The following RALYL variants were observed in gnomAD, a reference collection of about 807,000 sequenced individuals.
The protein encoded by RALYL is RNA-binding Raly-like protein.
In RALYL, 29 loss-of-function variants were observed where a neutral mutation model predicts 35.1. The ratio of observed to expected loss-of-function variants is 0.83; its 90% confidence interval spans 0.61 to 1.13. RALYL has a LOEUF of 1.13. Among genes scored for constraint, RALYL ranks in the 50% most tolerant of loss-of-function variants. The pLI, the probability that RALYL is intolerant of heterozygous loss-of-function variation, is 0.00. For synonymous variants in RALYL, 120 were observed against 127.6 expected (o/e 0.94, Z 0.40); for missense variants, 359 against 360.4 (o/e 1.00, Z 0.03).
chr8:84,495,026 C>A (rs2055844612), intron 1 of RALYL, among the ~76,000 whole-genome samples: 2 of 152,080 alleles, frequency 1.3e-5, no homozygotes, highest in East Asian at 3.9e-4. Flanking sequence ...ATGATATTGG[C>A]TTGGATTTGT....
intron 1 of RALYL, among the ~76,000 whole-genome samples, chr8:84,255,209 G>A (rs1478349467): frequency 1.3e-5 from 2 of 152,122 alleles, no homozygotes; most frequent in East Asian, 1.9e-4. Flanking sequence ...ATGCTAGAAT[G>A]TGTAGGACAT....
chr8:84,560,479 G>T (rs7812352), intron 2 of RALYL, among the ~76,000 whole-genome samples: 1,542 of 151,988 alleles, frequency 0.01, 21 homozygotes, highest in African/African-American at 0.035. Context: ...TGTAGCCTGG[G>T]ATATAATTAT....
chr8:84,478,817 T>G (rs2053701600), intron 1 of RALYL, among the ~76,000 whole-genome samples: 2 of 151,548 alleles, frequency 1.3e-5, no homozygotes, highest in African/African-American at 2.4e-5. Context: ...CTGGGCGCAG[T>G]GGCTCACGCC....
chr8:84,426,145 T>C (rs533541230), intron 1 of RALYL, among the ~76,000 whole-genome samples: 2 of 152,324 alleles, frequency 1.3e-5, no homozygotes, highest in South Asian at 2.1e-4. Context: ...TATTATGGGA[T>C]ACATATAGAT....
At chr8:84,832,747 T>G (rs966794345) in intron 4 of RALYL, among the ~76,000 whole-genome samples, 3 of 152,174 alleles carry the variant, frequency 2.0e-5, no homozygotes, top group African/African-American at 7.2e-5. Context: ...TATAATGCAT[T>G]AATCCTCTTC....
intron 2 of RALYL, among the ~76,000 whole-genome samples, chr8:84,588,754 C>T (rs1241519550): frequency 6.6e-6 from 1 of 152,220 alleles, no homozygotes; most frequent in Non-Finnish European, 1.5e-5. Flanking sequence ...ACCAGAACCA[C>T]AGCCAGACCT....
chr8:84,309,724 A>G (rs910286476), intron 1 of RALYL, among the ~76,000 whole-genome samples: 1 of 152,224 alleles, frequency 6.6e-6, no homozygotes, highest in African/African-American at 2.4e-5. Context: ...GGTGAATCAA[A>G]AAAATAAAAA....
Position 84,522,406 on chromosome 8 carries a change from C to A in RALYL, c.-23-6893C>A, listed in dbSNP as rs1443449359. 2.0e-5 allele frequency among the ~76,000 whole-genome samples: 3 copies of A among 151,848 alleles called. 1 individual carries two copies. The Middle Eastern group carries it at 0.01, about 516-fold the overall frequency. ...CTGGGACTACAGGCGCCCGCCACTA[C>A]GCCCGGCTAATTTTTTGTATTTTTA... On this transcript the variant is annotated intron_variant, in intron 1 of 8. Coordinates refer to ENST00000521268, the MANE Select transcript of RALYL (RefSeq NM_173848.7).
intron 1 of RALYL, among the ~76,000 whole-genome samples, chr8:84,472,061 A>AT (rs1239240953): frequency 6.6e-6 from 1 of 152,064 alleles, no homozygotes; most frequent in African/African-American, 2.4e-5. Context: ...ATAGTACTTT[A>AT]TTTTTTTATC....
Position 84,873,409 on chromosome 8 carries a change from C to T in RALYL, c.685+12C>T, listed in dbSNP as rs1201140916. 1 of 1,480,362 alleles carries T rather than the reference C, an allele frequency of 6.8e-7. No individual in the cohort carries two copies. The highest frequency in any genetic ancestry group is 9.3e-7 in the Non-Finnish European group (1 of 1,071,554). 91.7% of individuals were successfully genotyped at this position (1,480,362 alleles called of 1,614,324 possible). A position where few individuals can be genotyped will look rare whatever the true frequency, so the allele number is the denominator to read the frequency against. On this transcript the variant is annotated intron_variant, in intron 7 of 8. Coordinates refer to ENST00000521268, the MANE Select transcript of RALYL (RefSeq NM_173848.7). ...GAAGGCGGAGGCAGGTAAGTGATCTCTGATCACAGACAGGTCAGAATTGAA... is the reference window on the plus strand; with the variant it reads ...GAAGGCGGAGGCAGGTAAGTGATCTTTGATCACAGACAGGTCAGAATTGAA...
At chr8:84,778,703 G>A (rs1817416441) in intron 3 of RALYL, among the ~76,000 whole-genome samples, 1 of 152,178 alleles carries the variant, frequency 6.6e-6, no homozygotes, top group Non-Finnish European at 1.5e-5. Flanking sequence ...CCCAGGCTGT[G>A]AATATATCTA....
chr8:84,219,168 C>T (rs895284418), intron 1 of RALYL, among the ~76,000 whole-genome samples: 1 of 151,862 alleles, frequency 6.6e-6, no homozygotes, highest in African/African-American at 2.4e-5. Context: ...AATTATAATC[C>T]CCATAATCCC....
At chr8:84,565,560 A>C (rs540561470) in intron 2 of RALYL, among the ~76,000 whole-genome samples, 1 of 151,754 alleles carries the variant, frequency 6.6e-6, no homozygotes, top group African/African-American at 2.4e-5. Flanking sequence ...CGATCTGCTT[A>C]ATAATAGTCT....
At chr8:84,877,650 G>A (rs927147780) in intron 7 of RALYL, among the ~76,000 whole-genome samples, 5 of 152,076 alleles carry the variant, frequency 3.3e-5, no homozygotes, top group African/African-American at 1.2e-4. Flanking sequence ...TCACAGCATC[G>A]TAGAGGCCTT....
At chr8:84,506,021 G>A (rs2057136666) in intron 1 of RALYL, among the ~76,000 whole-genome samples, 1 of 151,992 alleles carries the variant, frequency 6.6e-6, no homozygotes, top group Non-Finnish European at 1.5e-5. Flanking sequence ...GTATTGTAAT[G>A]GTAGGATTGA....
chr8:84,635,111 A>G (rs1301050908), intron 2 of RALYL, among the ~76,000 whole-genome samples: 3 of 151,816 alleles, frequency 2.0e-5, no homozygotes, highest in African/African-American at 7.2e-5. Flanking sequence ...AGGATAACTG[A>G]TTGAACATTT....
rs1588924426 is a variant in RALYL, at chr8:84,674,414, A to G, written c.257-100165A>G. 2.0e-5 allele frequency among the ~76,000 whole-genome samples: 3 copies of G among 152,240 alleles called. 1 individual carries two copies. In the South Asian group the frequency reaches 6.2e-4, roughly 32 times the overall value. ...GGCCAGAACTTCCAATATTATATTG[A>G]ATAGAAATGGTGAGAGAGGGCATCC... On this transcript the variant is annotated intron_variant, in intron 2 of 8. Transcript: ENST00000521268.
At chr8:84,615,150 G>C (rs896745073) in intron 2 of RALYL, among the ~76,000 whole-genome samples, 1 of 151,582 alleles carries the variant, frequency 6.6e-6, no homozygotes, top group South Asian at 2.1e-4. Context: ...TAAGATATTT[G>C]TAGTTTTTTA....
chr8:84,419,510 A>G (rs2045196808), intron 1 of RALYL, among the ~76,000 whole-genome samples: 1 of 151,848 alleles, frequency 6.6e-6, no homozygotes, highest in African/African-American at 2.4e-5. Flanking sequence ...TGAGAAGTCT[A>G]TTAGAACTGC....
Sources: gnomAD v4.1 joint callset for allele counts (sites outside exome capture counted in the v4.1 genomes callset) on GRCh38, gnomAD v4.1.1 for gene constraint, MANE v1.5 for transcripts, NCBI Gene and HGNC (gene_info 2026-07-23, HGNC 2026-07-21) for gene names.